Variants in GALNTL6 observed in about 807,000 individuals in gnomAD.
GALNTL6 encodes polypeptide N-acetylgalactosaminyltransferase-like 6.
Under a neutral mutation model 73.7 loss-of-function variants are expected in GALNTL6, and 46 were observed. The ratio of observed to expected loss-of-function variants is 0.62; its 90% CI spans 0.49 to 0.80. The LOEUF is 0.80. Among genes scored for constraint, GALNTL6 ranks in the 30% least tolerant of loss-of-function variants. GALNTL6 has a pLI of 0.00. For missense variants in GALNTL6, 604 were observed against 755.0 expected (o/e 0.80, Z 2.34); for synonymous variants, 259 against 263.7 (o/e 0.98, Z 0.17).
intron 7 of GALNTL6, among the ~76,000 whole-genome samples, chr4:172,829,488 G>A (rs1742503231): frequency 6.6e-6 from 1 of 152,204 alleles, no homozygotes; most frequent in Admixed American, 6.5e-5. Flanking sequence ...AAAGTAAATG[G>A]GGATGCAGGG....
chr4:172,871,597 T>A (rs2332609), intron 7 of GALNTL6, among the ~76,000 whole-genome samples: 1 of 141,876 alleles, frequency 7.0e-6, no homozygotes. Flanking sequence ...CTGGGGGGGG[T>A]GTGTGTGTGT....
intron 2 of GALNTL6, among the ~76,000 whole-genome samples, chr4:172,129,319 C>T (rs1051846830): frequency 4.6e-5 from 7 of 152,146 alleles, no homozygotes; most frequent in Admixed American, 3.3e-4. Flanking sequence ...GTTGCACTTT[C>T]TAATTCAGTT....
At chr4:172,392,462 ATTT>A (rs5864134) in intron 5 of GALNTL6, among the ~76,000 whole-genome samples, 5 of 146,612 alleles carry the variant, frequency 3.4e-5, no homozygotes, top group Non-Finnish European at 4.5e-5. Context: ...TTTCTTATTC[ATTT>A]TTTTTTTTTT....
intron 2 of GALNTL6, among the ~76,000 whole-genome samples, chr4:172,119,099 T>A (rs889419120): frequency 6.6e-6 from 1 of 152,142 alleles, no homozygotes; most frequent in African/African-American, 2.4e-5. Context: ...TGTGTGAATA[T>A]TGGTTTCAAT....
At chr4:172,524,737 C>T (rs1218106850) in intron 5 of GALNTL6, among the ~76,000 whole-genome samples, 1 of 152,126 alleles carries the variant, frequency 6.6e-6, no homozygotes, top group Admixed American at 6.5e-5. Flanking sequence ...TTTTGACATT[C>T]TCTTAACAGT....
chr4:172,603,957 G>GA (rs1419095424), intron 5 of GALNTL6, among the ~76,000 whole-genome samples: 1 of 152,158 alleles, frequency 6.6e-6, no homozygotes, highest in Admixed American at 6.6e-5. Context: ...CAAACTCACT[G>GA]AAAATCTTGT....
At chr4:172,323,899 T>G (rs1740845527) in intron 4 of GALNTL6, among the ~76,000 whole-genome samples, 1 of 152,022 alleles carries the variant, frequency 6.6e-6, no homozygotes, top group Admixed American at 6.6e-5. Flanking sequence ...AGTTCTAGTA[T>G]TTTGAATTGG....
chr4:172,528,963 ATG>A lies in GALNTL6; in HGVS notation c.553+180282_553+180283del, dbSNP rs373123425. ...TGTTTTCCCAAAGGCATATATATAT[ATG>A]TGTGTGTATATTTATACATATGTGT... is the stretch of plus-strand genomic sequence containing the variant. On this transcript the variant is annotated intron_variant, in intron 5 of 12. Transcript: ENST00000506823. Among the ~76,000 whole-genome samples the A allele has an allele frequency of 9.9e-4, 30 of 30,228 alleles. 5 individuals carry two copies. The highest frequency in any genetic ancestry group is 1.1e-3 in the African/African-American group (17 of 14,968). The allele number at this position is 30,228 out of a possible 152,430, so 19.8% of individuals were successfully genotyped here.
At chr4:171,968,729 A>T (rs1579016469) in intron 2 of GALNTL6, among the ~76,000 whole-genome samples, 1 of 151,010 alleles carries the variant, frequency 6.6e-6, no homozygotes, top group Non-Finnish European at 1.5e-5. Context: ...TTGTTTATCC[A>T]CCTTCCTGTC....
At chr4:172,726,898 A>G (rs2111376590) in intron 5 of GALNTL6, among the ~76,000 whole-genome samples, 1 of 152,300 alleles carries the variant, frequency 6.6e-6, no homozygotes, top group African/African-American at 2.4e-5. Context: ...CAAGTGATCA[A>G]ATGTCAGGTC....
At chr4:172,932,116 A>G (rs749398778) in intron 9 of GALNTL6, among the ~76,000 whole-genome samples, 94 of 152,216 alleles carry the variant, frequency 6.2e-4, no homozygotes, top group Non-Finnish European at 1.2e-3. Context: ...AGGCTGCAAG[A>G]TATAACTATT....
intron 7 of GALNTL6, among the ~76,000 whole-genome samples, chr4:172,880,400 AC>A (rs1239814970): frequency 6.6e-6 from 1 of 152,042 alleles, no homozygotes; most frequent in South Asian, 2.1e-4. Context: ...AAGAAGACAG[AC>A]CCCCCAAAAA....
At chr4:172,247,227 T>G (rs1737693047) in intron 3 of GALNTL6, among the ~76,000 whole-genome samples, 1 of 152,130 alleles carries the variant, frequency 6.6e-6, no homozygotes, top group Admixed American at 6.5e-5. Context: ...CAATTGATGT[T>G]TGACAGCCAC....
chr4:172,934,502 T>G lies in GALNTL6; in HGVS notation c.1149+3234T>G, dbSNP rs186383799. ...GGCAAAAACAAAAATCAGCATCACTTTGTCATTTCCCACAAAATGTAAAAA... is the reference window on the plus strand; with the variant it reads ...GGCAAAAACAAAAATCAGCATCACTGTGTCATTTCCCACAAAATGTAAAAA... On this transcript the variant is annotated intron_variant, in intron 9 of 12. Transcript: ENST00000506823. Among the ~76,000 whole-genome samples the G allele has an allele frequency of 3.3e-5, 5 of 152,324 alleles. No individual in the cohort carries two copies. In the East Asian group the frequency reaches 7.7e-4, roughly 23 times the overall value.
chr4:172,349,804 C>T (rs781081951), intron 5 of GALNTL6, among the ~76,000 whole-genome samples: 20 of 148,506 alleles, frequency 1.3e-4, no homozygotes, highest in Admixed American at 4.1e-4. Flanking sequence ...GGTGACAGAG[C>T]GAGACTTCGT....
At chr4:173,039,703 T>C (rs896069559) in intron 12 of GALNTL6, among the ~76,000 whole-genome samples, 1 of 152,232 alleles carries the variant, frequency 6.6e-6, no homozygotes, top group African/African-American at 2.4e-5. Flanking sequence ...AATACATTTA[T>C]TGTCTCTAAT....
intron 2 of GALNTL6, among the ~76,000 whole-genome samples, chr4:171,901,615 GGGA>G (rs1560832754): frequency 6.6e-6 from 1 of 152,210 alleles, no homozygotes; most frequent in Non-Finnish European, 1.5e-5. Flanking sequence ...CTGCTAGAAT[GGGA>G]GGAGAACAGA....
At chr4:171,897,526 A>T (rs1425066749) in intron 2 of GALNTL6, among the ~76,000 whole-genome samples, 3 of 152,140 alleles carry the variant, frequency 2.0e-5, no homozygotes, top group African/African-American at 4.8e-5. Context: ...TTCACCATTT[A>T]AAAAAATAAA....
At chr4:172,778,383 G>A (rs1739186330) in intron 5 of GALNTL6, among the ~76,000 whole-genome samples, 1 of 152,188 alleles carries the variant, frequency 6.6e-6, no homozygotes, top group South Asian at 2.1e-4. Context: ...TTGTAAATAG[G>A]GACACAAGAT....
Sources: allele counts gnomAD v4.1 joint callset (sites outside exome capture counted in the v4.1 genomes callset), GRCh38; gene constraint gnomAD v4.1.1; transcripts MANE v1.5; gene names NCBI Gene and HGNC (gene_info 2026-07-23, HGNC 2026-07-21).